The following PHEX variants were observed in gnomAD, a reference collection of about 807,000 sequenced individuals.
The protein encoded by PHEX is phosphate regulating endopeptidase X-linked, also known as phosphate-regulating neutral endopeptidase PHEX.
In PHEX, 16 loss-of-function variants were observed where a neutral mutation model predicts 68.0. That is an observed-to-expected ratio of 0.24 (90% CI 0.16 to 0.36). The LOEUF (loss-of-function observed/expected upper bound fraction) is 0.36. PHEX is among the 10% of genes least tolerant of loss of function. PHEX has a pLI of 1.00. For synonymous variants in PHEX, 208 were observed against 205.1 expected, an observed-to-expected ratio of 1.01 and a Z score of -0.12; for missense variants, 480 against 575.5, an observed-to-expected ratio of 0.83 and a Z score of 1.70.
intron 14 of PHEX, among the ~76,000 whole-genome samples, chrX:22,183,688 A>G (rs1331477764): frequency 9.1e-6 from 1 of 110,043 alleles, no homozygotes; most frequent in Non-Finnish European, 1.9e-5. Flanking sequence ...GCCCTTCAAT[A>G]TTTGCTTCAG....
intron 3 of PHEX, among the ~76,000 whole-genome samples, chrX:22,059,329 C>T (rs1256085043): frequency 8.9e-6 from 1 of 112,396 alleles, no homozygotes; most frequent in Non-Finnish European, 1.9e-5. Flanking sequence ...TTGTTACCAA[C>T]AGCAATCATG....
intron 16 of PHEX, among the ~76,000 whole-genome samples, chrX:22,215,506 A>G (rs1031180754): frequency 9.0e-6 from 1 of 111,532 alleles, no homozygotes; most frequent in African/African-American, 3.3e-5. Context: ...TTTCCAGAAG[A>G]GAGAATCAGG....
Position 22,096,986 on chromosome X carries a change from A to G in PHEX, c.881A>G (p.Glu294Gly). The change falls in exon 8 of 22, where the codon GAG becomes GGG. Residue 294 changes from glutamate to glycine, a missense_variant. Coordinates refer to ENST00000379374, the MANE Select transcript of PHEX (RefSeq NM_000444.6). ...ATTCCACATGAAAACCGAACCAGCG[A>G]GGCCATGTACAACAAAATGAACATT... Reference protein sequence around the residue: ...IMIPHENRTSEAMYNKMNISE... With the variant: ...IMIPHENRTSGAMYNKMNISE... 8.3e-7 allele frequency: 1 copy of G among 1,205,828 alleles called. No homozygotes were observed. Among genetic ancestry groups the G allele is most frequent in the East Asian group, 3.0e-5 (1 of 33,810 alleles).
Position 22,251,003 on chromosome X carries a change from T to G in PHEX, c.*3050T>G, listed in dbSNP as rs1444450325. 2 of 112,289 alleles carry G rather than the reference T, an allele frequency of 1.8e-5. No homozygotes were observed. Among genetic ancestry groups the G allele is most frequent in the African/African-American group, 6.5e-5 (2 of 30,913 alleles). The allele number at this position is 112,289 out of a possible 1,213,427, so 9.3% of individuals were successfully genotyped here. ...GTGGATTAAACTCTATCCCTTAGAT[T>G]ATCCCATTTCTAAATACATTTATTC... On this transcript the variant is annotated 3_prime_UTR_variant, in exon 22 of 22. Transcript: ENST00000379374.
intron 20 of PHEX, among the ~76,000 whole-genome samples, chrX:22,243,074 A>G (rs1273815309): frequency 8.9e-6 from 1 of 112,269 alleles, no homozygotes; most frequent in African/African-American, 3.2e-5. Context: ...TACTGGTACC[A>G]AAACAGATAT....
chrX:22,172,178 A>G (rs780993185), intron 13 of PHEX: 1 of 112,134 alleles, frequency 8.9e-6, no homozygotes. Context: ...CCCCATCAAC[A>G]TGCAGGAAAG....
chrX:22,103,144 G>T (rs1930504753), intron 9 of PHEX, among the ~76,000 whole-genome samples: 1 of 110,859 alleles, frequency 9.0e-6, no homozygotes, highest in South Asian at 3.8e-4. Context: ...ATGTCTTGGT[G>T]TGAAAAGAGA....
chrX:22,129,065 G>C (rs1931866248), intron 11 of PHEX, among the ~76,000 whole-genome samples: 1 of 111,024 alleles, frequency 9.0e-6, no homozygotes, highest in Non-Finnish European at 1.9e-5. Flanking sequence ...TTCTCTCAAA[G>C]TATCTTATGG....
At chrX:22,120,832 G>A (rs994109918) in intron 11 of PHEX, among the ~76,000 whole-genome samples, 6 of 111,893 alleles carry the variant, frequency 5.4e-5, no homozygotes, top group African/African-American at 1.6e-4. Context: ...CTACTAAGGC[G>A]GAAATGTGAA....
chrX:22,195,564 C>T (rs1343995325), intron 15 of PHEX, among the ~76,000 whole-genome samples: 1 of 106,171 alleles, frequency 9.4e-6, no homozygotes, highest in Non-Finnish European at 1.9e-5. Context: ...CAGTGCACTA[C>T]AGCCTGGGCG....
At chrX:22,092,498 G>A (rs1246808900) in intron 6 of PHEX, among the ~76,000 whole-genome samples, 7 of 109,955 alleles carry the variant, frequency 6.4e-5, no homozygotes, top group East Asian at 2.9e-4. Context: ...TCAGCCTCCC[G>A]AGTAGCTGGG....
chrX:22,197,319 C>T (rs1934398584), intron 15 of PHEX, among the ~76,000 whole-genome samples: 1 of 111,451 alleles, frequency 9.0e-6, no homozygotes, highest in Admixed American at 9.6e-5. Flanking sequence ...AGTCCCCTGC[C>T]ACACTGAGTA....
rs1342144370 is a variant in PHEX at position 22,111,518 on chromosome X, C to T, written c.1131C>T (p.Asn377=). The T allele has an allele frequency of 8.3e-7, 1 of 1,209,190 alleles. No homozygotes were observed. ...GAATGGTTTATTCCAGAATTCCAAA[C>T]CTTAGCAGGCGCTTTCAGTATAGAT... is the stretch of plus-strand genomic sequence containing the variant. ...VWRMVYSRIP[N]LSRRFQYRWL... The change falls in exon 10 of 22, where the codon AAC becomes AAT. Residue 377 remains asparagine (N), a synonymous_variant. Transcript: ENST00000379374.
intron 20 of PHEX, among the ~76,000 whole-genome samples, chrX:22,238,378 T>C (rs1936058859): frequency 9.0e-6 from 1 of 111,516 alleles, no homozygotes; most frequent in African/African-American, 3.3e-5. Context: ...TGAGAGACTT[T>C]ACCAGGAGGA....
intron 16 of PHEX, among the ~76,000 whole-genome samples, chrX:22,215,190 G>T (rs572928900): frequency 1.7e-3 from 188 of 111,221 alleles, no homozygotes; most frequent in African/African-American, 5.5e-3. Context: ...TTGTACCTTA[G>T]GCTAGGTCAT....
At chrX:22,138,882 T>A (rs911287498) in intron 12 of PHEX, among the ~76,000 whole-genome samples, 2 of 111,661 alleles carry the variant, frequency 1.8e-5, no homozygotes, top group South Asian at 3.8e-4. Flanking sequence ...CTCCCTCCCA[T>A]GTGCCACCTT....
chrX:22,148,490 T>C (rs1191047337), intron 12 of PHEX, among the ~76,000 whole-genome samples: 1 of 111,887 alleles, frequency 8.9e-6, no homozygotes, highest in Non-Finnish European at 1.9e-5. Context: ...GGTAAGAACA[T>C]TAAAAATCTA....
chrX:22,034,348 T>G (rs139396852), intron 1 of PHEX, among the ~76,000 whole-genome samples: 3,272 of 112,146 alleles, frequency 0.029, 109 homozygotes, highest in African/African-American at 0.1. Flanking sequence ...TTATTGTTTA[T>G]GTAAAAATAT....
intron 3 of PHEX, among the ~76,000 whole-genome samples, chrX:22,056,303 G>A (rs1928101268): frequency 9.0e-6 from 1 of 111,670 alleles, no homozygotes; most frequent in African/African-American, 3.2e-5. Context: ...TCAGGTAAGG[G>A]CTGATCCAGC....
Sources: allele counts gnomAD v4.1 joint callset (sites outside exome capture counted in the v4.1 genomes callset), GRCh38; gene constraint gnomAD v4.1.1; transcripts MANE v1.5; gene names NCBI Gene and HGNC (gene_info 2026-07-23, HGNC 2026-07-21).